EPB41L3: variants seen among roughly 807,000 people sequenced by gnomAD.
The protein encoded by EPB41L3 is band 4.1-like protein 3.
EPB41L3 carries 57 observed loss-of-function variants against 127.1 expected under a neutral mutation model. That is an observed-to-expected ratio of 0.45 (90% confidence interval 0.36 to 0.56). The LOEUF is 0.56. EPB41L3 is among the 20% of genes least tolerant of loss of function. The pLI, the probability that EPB41L3 is intolerant of heterozygous loss-of-function variation, is 0.00. For synonymous variants in EPB41L3, 572 were observed against 549.5 expected (o/e 1.04, Z -0.57); for missense variants, 1,273 against 1,372.2 (o/e 0.93, Z 1.14).
chr18:5,597,836 C>A (rs1332917967), intron 3 of EPB41L3, among the ~76,000 whole-genome samples: 1 of 152,150 alleles, frequency 6.6e-6, no homozygotes, highest in Non-Finnish European at 1.5e-5. Context: ...TTTTCCAACT[C>A]TGGAAGCTGC....
At chr18:5,517,878 C>A (rs1000346296) in intron 1 of EPB41L3, among the ~76,000 whole-genome samples, 1 of 152,132 alleles carries the variant, frequency 6.6e-6, no homozygotes, top group Non-Finnish European at 1.5e-5. Context: ...CCTCCTCCCC[C>A]ACTGACCACC....
At chr18:5,586,700 C>T (rs570894733) in intron 3 of EPB41L3, among the ~76,000 whole-genome samples, 5 of 151,718 alleles carry the variant, frequency 3.3e-5, no homozygotes, top group African/African-American at 1.2e-4. Context: ...CAGTGCCAAA[C>T]TTATATTGTG....
chr18:5,484,420 G>T (rs953930619), intron 2 of EPB41L3, among the ~76,000 whole-genome samples: 1 of 151,310 alleles, frequency 6.6e-6, no homozygotes, highest in Non-Finnish European at 1.5e-5. Flanking sequence ...ATAACTCAAC[G>T]ATGCACCTCA....
At position 5,408,691 on chromosome 18, in the gene EPB41L3, A is replaced by G. The variant is rs867604763; in HGVS notation, c.2122-955T>C. 4.6e-5 allele frequency among the ~76,000 whole-genome samples: 7 copies of G among 151,850 alleles called. No individual in the cohort carries two copies. The Middle Eastern group carries it at 0.01, about 221-fold the overall frequency. ...GAAGTCAGCTACTATTAACAACAGC[A>G]TGATTTCTTTTAAAGGTTTTAGATG... On this transcript the variant is annotated intron_variant, in intron 14 of 22. Transcript: ENST00000341928.
intron 1 of EPB41L3, among the ~76,000 whole-genome samples, chr18:5,625,848 C>T (rs1039209241): frequency 2.0e-5 from 3 of 152,104 alleles, no homozygotes; most frequent in African/African-American, 7.2e-5. Flanking sequence ...AGGGAGGTGT[C>T]CAAGTTCTTA....
At chr18:5,466,077 A>T (rs1217063311) in intron 3 of EPB41L3, among the ~76,000 whole-genome samples, 1 of 152,160 alleles carries the variant, frequency 6.6e-6, no homozygotes, top group Non-Finnish European at 1.5e-5. Context: ...TTTCCCACTG[A>T]ATTATGTAAT....
chr18:5,404,647 T>G (rs1291044036), intron 16 of EPB41L3, among the ~76,000 whole-genome samples: 1 of 152,234 alleles, frequency 6.6e-6, no homozygotes, highest in African/African-American at 2.4e-5. Context: ...ACTAGTCTAA[T>G]AGCCTGGACT....
intron 15 of EPB41L3, among the ~76,000 whole-genome samples, chr18:5,407,491 A>C (rs1176444802): frequency 6.6e-6 from 1 of 152,210 alleles, no homozygotes; most frequent in African/African-American, 2.4e-5. Context: ...TTATTCGTTT[A>C]ATCAGACTAT....
intron 1 of EPB41L3, chr18:5,540,571 G>A (rs2093690314): frequency 2.0e-6 from 2 of 985,014 alleles, no homozygotes; most frequent in Middle Eastern, 5.2e-4. Flanking sequence ...GAACCCTCCC[G>A]GGCTGAGTGC....
chr18:5,570,488 A>G (rs1054766252), intron 3 of EPB41L3, among the ~76,000 whole-genome samples: 1 of 152,216 alleles, frequency 6.6e-6, no homozygotes, highest in Non-Finnish European at 1.5e-5. Flanking sequence ...ACTACCATTT[A>G]TAATATTTTT....
chr18:5,621,205 T>C (rs1189753713), intron 1 of EPB41L3, among the ~76,000 whole-genome samples: 4 of 152,082 alleles, frequency 2.6e-5, no homozygotes, highest in Admixed American at 1.3e-4. Context: ...GTGGCCAAAA[T>C]CGGAGCAAGT....
At chr18:5,433,382 T>C in intron 8 of EPB41L3, 87 bp downstream of exon 8, 3 of 913,112 alleles carry the variant, frequency 3.3e-6, no homozygotes, top group South Asian at 1.6e-5. Context: ...TTACATTAAC[T>C]GAAGTAAAAA....
intron 1 of EPB41L3, among the ~76,000 whole-genome samples, chr18:5,497,843 A>T (rs2091319095): frequency 6.6e-6 from 1 of 152,256 alleles, no homozygotes; most frequent in East Asian, 1.9e-4. Context: ...TGAGTAGAGA[A>T]TGTGCTTCTA....
At chr18:5,486,100 G>A (rs536142331) in intron 2 of EPB41L3, among the ~76,000 whole-genome samples, 2 of 152,154 alleles carry the variant, frequency 1.3e-5, no homozygotes, top group South Asian at 4.1e-4. Flanking sequence ...TTACTACAAA[G>A]CTATAATAAT....
upstream of EPB41L3, among the ~76,000 whole-genome samples, chr18:5,545,460 A>T (rs760315924): frequency 1.3e-5 from 2 of 152,124 alleles, no homozygotes; most frequent in Admixed American, 6.5e-5. Flanking sequence ...GGAGGATGGT[A>T]TTTGATTTCC....
At chr18:5,467,136 T>C (rs11081201) in intron 3 of EPB41L3, among the ~76,000 whole-genome samples, 45,179 of 152,080 alleles carry the variant, frequency 0.3, 7,470 homozygotes, top group East Asian at 0.47. Context: ...CTTATAATCA[T>C]TCTATATGAA....
chr18:5,594,153 T>A (rs562603694), intron 3 of EPB41L3, among the ~76,000 whole-genome samples: 3 of 152,212 alleles, frequency 2.0e-5, no homozygotes, highest in African/African-American at 7.2e-5. Context: ...TCACAATTTA[T>A]GTTTACAGAC....
intron 18 of EPB41L3, 42 bp from the exon 19 acceptor site, chr18:5,396,374 C>T: frequency 6.2e-7 from 1 of 1,611,524 alleles, no homozygotes; most frequent in Non-Finnish European, 8.5e-7. Flanking sequence ...TTATAGTTTG[C>T]ATGAACACAT....
At chr18:5,537,436 AC>A (rs1008494185) in intron 1 of EPB41L3, among the ~76,000 whole-genome samples, 29 of 152,322 alleles carry the variant, frequency 1.9e-4, no homozygotes, top group Admixed American at 9.2e-4. Flanking sequence ...AGAGAAAAAA[AC>A]ATCACATTCA....
Sources: gnomAD v4.1 joint callset for allele counts (sites outside exome capture counted in the v4.1 genomes callset) on GRCh38, gnomAD v4.1.1 for gene constraint, MANE v1.5 for transcripts, NCBI Gene and HGNC (gene_info 2026-07-23, HGNC 2026-07-21) for gene names.